UNC80: variants seen among roughly 807,000 people sequenced by gnomAD.
UNC80 encodes the protein protein unc-80 homolog.
Under a neutral mutation model 384.6 loss-of-function variants are expected in UNC80, and 164 were observed. The ratio of observed to expected loss-of-function variants is 0.43; its 90% CI spans 0.38 to 0.49. The LOEUF (loss-of-function observed/expected upper bound fraction) is 0.49, where lower values mean the gene tolerates loss of function less well. UNC80 is among the 20% of genes least tolerant of loss of function. The probability of loss-of-function intolerance (pLI) is 0.00; values close to 1 mark genes in which losing one functional copy is unlikely to be tolerated. For synonymous variants in UNC80, 1,486 were observed against 1,527.8 expected (o/e 0.97, Z 0.64); for missense variants, 3,330 against 4,143.0 (o/e 0.80, Z 5.39).
At chr2:209,813,458 A>G in intron 7 of UNC80, 122 bp from the exon 8 acceptor site, 1 of 1,051,452 alleles carries the variant, frequency 9.5e-7, no homozygotes, top group South Asian at 1.8e-5. Context: ...AGAGTAAACT[A>G]CGTAAGAAAC....
chr2:209,817,497 A>G (rs2079826230), intron 10 of UNC80, among the ~76,000 whole-genome samples: 3 of 151,360 alleles, frequency 2.0e-5, no homozygotes, highest in Admixed American at 2.0e-4. Flanking sequence ...AAATATATAT[A>G]TTATATATAT....
chr2:209,852,185 G>A (rs1336835203), intron 22 of UNC80, among the ~76,000 whole-genome samples: 1 of 152,060 alleles, frequency 6.6e-6, no homozygotes, highest in Non-Finnish European at 1.5e-5. Context: ...GGATCAAGCA[G>A]TGTGTGGGTA....
chr2:209,822,806 G>T (rs1469381724), intron 13 of UNC80, among the ~76,000 whole-genome samples: 1 of 152,014 alleles, frequency 6.6e-6, no homozygotes, highest in African/African-American at 2.4e-5. Context: ...AGACTATATA[G>T]CTTGATGTAA....
intron 21 of UNC80, among the ~76,000 whole-genome samples, chr2:209,843,242 GTAGA>G (rs1440161275): frequency 6.6e-6 from 1 of 152,114 alleles, no homozygotes; most frequent in Non-Finnish European, 1.5e-5. Context: ...AATTAGTATA[GTAGA>G]TAGTGTAACT....
chr2:209,979,867 A>C (rs2125020684), intron 59 of UNC80, among the ~76,000 whole-genome samples: 1 of 152,352 alleles, frequency 6.6e-6, no homozygotes, highest in East Asian at 1.9e-4. Flanking sequence ...CTCTGAACTA[A>C]ATTAAGTAGA....
chr2:209,887,599 A>T (rs182864515), intron 25 of UNC80, among the ~76,000 whole-genome samples: 1 of 152,314 alleles, frequency 6.6e-6, no homozygotes, highest in East Asian at 1.9e-4. Context: ...TGTCGAGCAC[A>T]GTTCCGAGTC....
chr2:209,835,385 T>C (rs1029050476), intron 18 of UNC80, among the ~76,000 whole-genome samples: 2 of 152,250 alleles, frequency 1.3e-5, no homozygotes, highest in Admixed American at 1.3e-4. Context: ...TGGCTGTCAA[T>C]ATACTTAATG....
chr2:209,976,180 C>G lies in UNC80; in HGVS notation c.8649C>G (p.Ser2883Arg), dbSNP rs540655410. ...RQLGSQWYWL[S>R]LQVKEMALRK... is the part of the protein sequence containing the mutation. ...TCGGAAGCCAGTGGTACTGGCTGAGCCTCCAGGTGAAGGAGATGGCTCTGC... is the reference window on the plus strand; with the variant it reads ...TCGGAAGCCAGTGGTACTGGCTGAGGCTCCAGGTGAAGGAGATGGCTCTGC... The change falls in exon 57 of 65, where the codon AGC becomes AGG. Residue 2883 changes from serine (S) to arginine (R), a missense_variant. Coordinates refer to ENST00000673920, the MANE Select transcript of UNC80 (RefSeq NM_001371986.1). The surrounding 1 kb of genome is among the most constrained non-coding windows in gnomAD (Gnocchi z 4.3). 1 of 1,551,582 alleles carries G rather than the reference C, an allele frequency of 6.4e-7. No homozygotes were observed. Among genetic ancestry groups the G allele is most frequent in the Non-Finnish European group, 8.7e-7 (1 of 1,146,962 alleles).
At chr2:209,820,724 A>G in intron 13 of UNC80, 45 bp downstream of exon 13, 1 of 1,467,046 alleles carries the variant, frequency 6.8e-7, no homozygotes. Context: ...TGTCATACCT[A>G]ATTTCTTTCT....
In UNC80 at chr2:209,877,954, G is replaced by T; in HGVS notation, c.3841G>T (p.Ala1281Ser). Reference sequence around the variant, plus strand: ...TTCATTGTTTTCCTTCCCATTTTAGGCAATTGGCGTCCGATTGAATGAGCT... The same window carrying T: ...TTCATTGTTTTCCTTCCCATTTTAGTCAATTGGCGTCCGATTGAATGAGCT... ...AAKLFYQWGD[A>S]IGVRLNELCH... The change falls in exon 24 of 65, where the codon GCA (alanine) becomes TCA (serine). Residue 1281 changes from alanine to serine, a missense_variant and splice_region_variant. By Grantham distance (99) the Ala-to-Ser change is moderately conservative (BLOSUM62 1). Transcript: ENST00000673920. 6.6e-7 allele frequency: 1 copy of T among 1,524,186 alleles called. No individual in the cohort carries two copies. The highest frequency in any genetic ancestry group is 8.8e-7 in the Non-Finnish European group (1 of 1,136,306). The allele number at this position is 1,524,186 out of a possible 1,614,324, so 94.4% of individuals were successfully genotyped here. A position where few individuals can be genotyped will look rare whatever the true frequency, so the allele number is the denominator to read the frequency against.
intron 28 of UNC80, among the ~76,000 whole-genome samples, chr2:209,901,384 C>T (rs148306149): frequency 2.4e-4 from 37 of 152,214 alleles, no homozygotes; most frequent in African/African-American, 8.7e-4. Flanking sequence ...CGGATGACAG[C>T]CCATCTGTTT....
chr2:209,936,073 C>T (rs1004648876), intron 40 of UNC80, among the ~76,000 whole-genome samples: 1 of 151,896 alleles, frequency 6.6e-6, no homozygotes, highest in Non-Finnish European at 1.5e-5. Flanking sequence ...TAGAAGAGAC[C>T]TTTGGAAAAA....
intron 28 of UNC80, among the ~76,000 whole-genome samples, chr2:209,900,182 C>T (rs2087236409): frequency 6.6e-6 from 1 of 152,142 alleles, no homozygotes; most frequent in African/African-American, 2.4e-5. Context: ...TACAGGCATA[C>T]CTCATTTTAT....
intron 28 of UNC80, among the ~76,000 whole-genome samples, chr2:209,902,535 A>C (rs1331098968): frequency 1.3e-5 from 2 of 152,148 alleles, no homozygotes; most frequent in Admixed American, 6.6e-5. Flanking sequence ...TAATGGGCCA[A>C]ACTTCTTCAT....
At position 209,943,528 on chromosome 2, in the gene UNC80, G is replaced by C; in HGVS notation, c.7050+14G>C. 1 of 1,547,284 alleles carries C rather than the reference G, an allele frequency of 6.5e-7. No homozygotes were observed. The highest frequency in any genetic ancestry group is 8.7e-7 in the Non-Finnish European group (1 of 1,145,796). On this transcript the variant is annotated intron_variant, in intron 45 of 64. Transcript: ENST00000673920. ...CTGGAATTTCCTGTAAGTAAGCTCT[G>C]TGGGAAAAAAAAATGAAGACCAACA...
At chr2:209,940,579 C>G (rs2091561619) in intron 43 of UNC80, among the ~76,000 whole-genome samples, 1 of 152,004 alleles carries the variant, frequency 6.6e-6, no homozygotes, top group Non-Finnish European at 1.5e-5. Context: ...TTTGGGAGGC[C>G]CAGGGAGGCA....
At chr2:209,917,204 A>G (rs1004264406) in intron 31 of UNC80, among the ~76,000 whole-genome samples, 1 of 152,182 alleles carries the variant, frequency 6.6e-6, no homozygotes, top group Non-Finnish European at 1.5e-5. Flanking sequence ...CTCATTATTC[A>G]TTAGCTTTAT....
At chr2:209,905,109 C>T (rs1242920614) in intron 29 of UNC80, 144 bp downstream of exon 29, 19 of 811,374 alleles carry the variant, frequency 2.3e-5, no homozygotes, top group South Asian at 2.1e-4. Flanking sequence ...AAGAGATGTA[C>T]AAGAAAGACA....
chr2:209,871,288 G>T (rs1446196390), intron 22 of UNC80, among the ~76,000 whole-genome samples: 2 of 152,124 alleles, frequency 1.3e-5, no homozygotes, highest in African/African-American at 2.4e-5. Context: ...CATAGGACCA[G>T]CATCAATGAG....
Sources: gnomAD v4.1 joint callset for allele counts (sites outside exome capture counted in the v4.1 genomes callset) on GRCh38, gnomAD v4.1.1 for gene constraint, Gnocchi (gnomAD v3.1) non-coding constraint, MANE v1.5 for transcripts, NCBI Gene and HGNC (gene_info 2026-07-23, HGNC 2026-07-21) for gene names.